Variants in RBFOX1 observed in about 807,000 individuals in gnomAD.
RBFOX1 encodes the protein RNA binding protein fox-1 homolog 1.
RBFOX1 carries 8 observed loss-of-function variants against 57.7 expected under a neutral mutation model. The observed-to-expected ratio is 0.14, with a 90% CI of 0.08 to 0.25. RBFOX1 has a LOEUF of 0.25. Ranked by LOEUF, RBFOX1 falls within the 10% of genes least tolerant of loss-of-function variation. RBFOX1 has a pLI of 1.00. For synonymous variants in RBFOX1, 326 were observed against 222.4 expected (o/e 1.47, Z -4.15); for missense variants, 611 against 548.5 (o/e 1.11, Z -1.14).
intron 4 of RBFOX1, among the ~76,000 whole-genome samples, chr16:7,081,891 G>C (rs531302692): frequency 6.6e-6 from 1 of 152,226 alleles, no homozygotes; most frequent in East Asian, 1.9e-4. Flanking sequence ...ATTCCTTCCA[G>C]GCAGTGGAGT....
At chr16:6,788,083 G>GT (rs1303516537) in intron 3 of RBFOX1, among the ~76,000 whole-genome samples, 1 of 152,156 alleles carries the variant, frequency 6.6e-6, no homozygotes, top group African/African-American at 2.4e-5. Context: ...TTTGGCAGGT[G>GT]TGGTGGCGCA....
rs536331669 is a variant in RBFOX1, at chr16:7,705,605, T to C, written c.996-3451T>C. On this transcript the variant is annotated intron_variant, in intron 14 of 15. Coordinates refer to ENST00000550418, the MANE Select transcript of RBFOX1 (RefSeq NM_018723.4). Reference sequence around the variant, plus strand: ...AGGGACAGAGGCAGCTTATTCAAGTTTGGATTTTATTCTAGGATCAATGGA... The same window carrying C: ...AGGGACAGAGGCAGCTTATTCAAGTCTGGATTTTATTCTAGGATCAATGGA... Among the ~76,000 whole-genome samples, 4 of 152,296 alleles carry C rather than the reference T, an allele frequency of 2.6e-5. No individual in the cohort carries two copies. The East Asian group carries it at 7.7e-4, about 29-fold the overall frequency.
chr16:5,327,003 C>T (rs1188871833), intron 1 of RBFOX1, among the ~76,000 whole-genome samples: 2 of 152,158 alleles, frequency 1.3e-5, no homozygotes, highest in Non-Finnish European at 2.9e-5. Flanking sequence ...AGTTCTGCTT[C>T]AGGGAGGTAT....
chr16:6,230,700 T>A (rs993818678), intron 1 of RBFOX1, among the ~76,000 whole-genome samples: 1 of 152,176 alleles, frequency 6.6e-6, no homozygotes, highest in Non-Finnish European at 1.5e-5. Context: ...ATTTGCCTGA[T>A]TGAGCAAATA....
intron 3 of RBFOX1, among the ~76,000 whole-genome samples, chr16:5,699,886 T>C (rs1208222980): frequency 6.6e-6 from 1 of 152,196 alleles, no homozygotes; most frequent in Non-Finnish European, 1.5e-5. Flanking sequence ...CAGGCTGGAG[T>C]GCAGTGGTGC....
chr16:7,483,212 C>G (rs1452251261), intron 4 of RBFOX1, among the ~76,000 whole-genome samples: 1 of 152,190 alleles, frequency 6.6e-6, no homozygotes, highest in East Asian at 1.9e-4. Context: ...CGGAAATAGA[C>G]TCATCAAACT....
At position 7,490,841 on chromosome 16, in the gene RBFOX1, C is replaced by A. The variant is rs143257993; in HGVS notation, c.28-27306C>A. Among the ~76,000 whole-genome samples the A allele has an allele frequency of 2.5e-3, 380 of 152,284 alleles. 3 individuals are homozygous for A. The highest frequency in any genetic ancestry group is 8.7e-3 in the African/African-American group (362 of 41,570). On this transcript the variant is annotated intron_variant, in intron 4 of 15. Coordinates refer to ENST00000550418, the MANE Select transcript of RBFOX1 (RefSeq NM_018723.4). Reference sequence around the variant, plus strand: ...AGTCCCATCTTACCCAGAAACAGCACCTGCTGTTACTCTCTGATTCTCATT... The same window carrying A: ...AGTCCCATCTTACCCAGAAACAGCAACTGCTGTTACTCTCTGATTCTCATT...
intron 4 of RBFOX1, among the ~76,000 whole-genome samples, chr16:5,929,829 A>T (rs2059012345): frequency 6.7e-6 from 1 of 148,322 alleles, no homozygotes; most frequent in Admixed American, 6.7e-5. Flanking sequence ...GCAAGGGAGT[A>T]GGCTAGAAGG....
chr16:7,146,909 A>G (rs2075088552), intron 4 of RBFOX1, among the ~76,000 whole-genome samples: 2 of 145,628 alleles, frequency 1.4e-5, no homozygotes, highest in Admixed American at 1.4e-4. Context: ...TGTTTGCGCC[A>G]TTATACTCCA....
At chr16:5,814,991 C>G (rs373470201) in intron 3 of RBFOX1, among the ~76,000 whole-genome samples, 42 of 145,962 alleles carry the variant, frequency 2.9e-4, no homozygotes, top group African/African-American at 1.0e-3. Context: ...TTCTTTCTTT[C>G]TTTTTTTTTT....
At chr16:5,811,050 C>T (rs924280201) in intron 3 of RBFOX1, among the ~76,000 whole-genome samples, 1 of 152,044 alleles carries the variant, frequency 6.6e-6, no homozygotes, top group Non-Finnish European at 1.5e-5. Context: ...TCCCTGCTCC[C>T]ATCCTCCTCA....
chr16:7,609,279 A>G (rs533042553), intron 10 of RBFOX1, among the ~76,000 whole-genome samples: 3 of 152,224 alleles, frequency 2.0e-5, no homozygotes, highest in African/African-American at 7.2e-5. Flanking sequence ...GGAGAGGGCA[A>G]AATGCATTTT....
In RBFOX1 at chr16:5,944,933, T is replaced by C. The variant is rs1467607809; in HGVS notation, c.351+77598T>C. 6.7e-5 allele frequency among the ~76,000 whole-genome samples: 8 copies of C among 119,950 alleles called. No homozygotes were observed. The Admixed American group carries it at 9.2e-4, about 14-fold the overall frequency. The allele number at this position is 119,950 out of a possible 152,430, so 78.7% of individuals were successfully genotyped here. On this transcript the variant is annotated intron_variant, in intron 4 of 19. Transcript: ENST00000641259. ...ATGAGCTGAGTTTGCGCCACTGCAC[T>C]CCAGCCTGGAGACAGAGCAAGACTC...
Position 7,567,327 on chromosome 16 carries a change from C to T in RBFOX1, c.271-12450C>T, listed in dbSNP as rs1477936291. Among the ~76,000 whole-genome samples the T allele has an allele frequency of 2.6e-4, 14 of 54,326 alleles. 4 individuals are homozygous for T. The highest frequency in any genetic ancestry group is 6.7e-4 in the African/African-American group (11 of 16,486). The allele number at this position is 54,326 out of a possible 152,430, so 35.6% of individuals were successfully genotyped here. A position where few individuals can be genotyped will look rare whatever the true frequency, so the allele number is the denominator to read the frequency against. ...CCTATATATATATATATATATCTCCCTATATATGGCCCTATATATATATCC... is the reference window on the plus strand; with the variant it reads ...CCTATATATATATATATATATCTCCTTATATATGGCCCTATATATATATCC... On this transcript the variant is annotated intron_variant, in intron 5 of 15. Coordinates refer to ENST00000550418, the MANE Select transcript of RBFOX1 (RefSeq NM_018723.4).
At chr16:6,593,246 C>G (rs1351063135) in intron 2 of RBFOX1, among the ~76,000 whole-genome samples, 3 of 152,126 alleles carry the variant, frequency 2.0e-5, no homozygotes, top group Non-Finnish European at 4.4e-5. Context: ...GTACCCATCT[C>G]TCTCTGCCCT....
chr16:7,076,963 T>C (rs2058404277), intron 4 of RBFOX1, among the ~76,000 whole-genome samples: 1 of 152,202 alleles, frequency 6.6e-6, no homozygotes, highest in South Asian at 2.1e-4. Flanking sequence ...TGAAACAGCT[T>C]GGAAATGTGC....
At chr16:7,043,078 T>C (rs183736259) in intron 3 of RBFOX1, among the ~76,000 whole-genome samples, 2,528 of 91,946 alleles carry the variant, frequency 0.027, 81 homozygotes, top group African/African-American at 0.12. Flanking sequence ...TGCTTTTGAC[T>C]GTGCCATTCA....
chr16:7,062,255 T>C (rs2054551688), intron 4 of RBFOX1, among the ~76,000 whole-genome samples: 1 of 137,972 alleles, frequency 7.2e-6, no homozygotes, highest in Middle Eastern at 3.6e-3. Context: ...GATCATGAGG[T>C]TGCAGTGAGC....
intron 4 of RBFOX1, among the ~76,000 whole-genome samples, chr16:7,105,831 T>A (rs2063491968): frequency 6.6e-6 from 1 of 152,144 alleles, no homozygotes; most frequent in Admixed American, 6.6e-5. Context: ...TCCACTCATT[T>A]GATTGATGGG....
Sources: allele counts gnomAD v4.1 joint callset (sites outside exome capture counted in the v4.1 genomes callset), GRCh38; gene constraint gnomAD v4.1.1; transcripts MANE v1.5; gene names NCBI Gene and HGNC (gene_info 2026-07-23, HGNC 2026-07-21).